PRUNE2: variants seen among roughly 807,000 people sequenced by gnomAD.
The protein encoded by PRUNE2 is protein prune homolog 2.
Under a neutral mutation model 252.0 loss-of-function variants are expected in PRUNE2, and 164 were observed. That is an observed-to-expected ratio of 0.65 (90% confidence interval 0.57 to 0.74). The LOEUF is 0.74. Among genes scored for constraint, PRUNE2 ranks in the 30% least tolerant of loss-of-function variants. The pLI, the probability that PRUNE2 is intolerant of heterozygous loss-of-function variation, is 0.00. For synonymous variants in PRUNE2, 1,292 were observed against 1,350.2 expected (o/e 0.96, Z 0.94); for missense variants, 3,495 against 3,711.0 (o/e 0.94, Z 1.51).
At chr9:76,644,985 C>A in intron 11 of PRUNE2, 76 bp from the exon 12 acceptor site, 1 of 1,324,278 alleles carries the variant, frequency 7.6e-7, no homozygotes, top group East Asian at 2.4e-5. Context: ...AAATGGTAAG[C>A]TTTACAATAC....
intron 1 of PRUNE2, among the ~76,000 whole-genome samples, chr9:76,866,694 G>A (rs190860910): frequency 1.3e-5 from 2 of 151,494 alleles, no homozygotes; most frequent in Admixed American, 1.3e-4. Context: ...AGGAAGGAAG[G>A]AAGAAAGAAA....
At chr9:76,833,176 A>T (rs1235719495) in intron 4 of PRUNE2, among the ~76,000 whole-genome samples, 1 of 152,216 alleles carries the variant, frequency 6.6e-6, no homozygotes, top group Non-Finnish European at 1.5e-5. Context: ...CTTAATACCA[A>T]TTAAACTAAT....
Position 76,704,819 on chromosome 9 carries a change from C to A in PRUNE2, c.7455G>T (p.Trp2485Cys), listed in dbSNP as rs558933183. The A allele has an allele frequency of 6.3e-7, 1 of 1,588,282 alleles. No homozygotes were observed. The highest frequency in any genetic ancestry group is 8.6e-7 in the Non-Finnish European group (1 of 1,165,598). Residue 2485 changes from tryptophan (W) to cysteine (C), a missense_variant, in exon 8 of 19, where the codon TGG (tryptophan) becomes TGT (cysteine). Trp to Cys is a radical substitution (Grantham distance 215, BLOSUM62 -2). Coordinates refer to ENST00000376718, the MANE Select transcript of PRUNE2 (RefSeq NM_015225.3). Reference protein sequence around the residue: ...SNILSPSNVDWEVETDNSDLP... With the variant: ...SNILSPSNVDCEVETDNSDLP... ...AATCAGAATTATCTGTTTCTACTTCCCAGTCAACGTTTGATGGAGACAAAA... is the reference window on the plus strand; with the variant it reads ...AATCAGAATTATCTGTTTCTACTTCACAGTCAACGTTTGATGGAGACAAAA...
chr9:76,807,504 C>G (rs545774354), intron 6 of PRUNE2, among the ~76,000 whole-genome samples: 1 of 152,274 alleles, frequency 6.6e-6, no homozygotes, highest in Admixed American at 6.5e-5. Context: ...GGTAATTATA[C>G]AAATTATACA....
In PRUNE2 at chr9:76,709,555, T is replaced by G. The variant is rs2046561723; in HGVS notation, c.2719A>C (p.Lys907Gln). 1.9e-6 allele frequency: 3 copies of G among 1,613,900 alleles called. No homozygotes were observed. The highest frequency in any genetic ancestry group is 1.6e-4 in the Middle Eastern group (1 of 6,084). ...KEDQNGLVDP[K>Q]TRGKVYEKVD... ...TTTTCATATACCTTGCCCCTAGTTTTAGGATCCACTAAACCATTCTGATCT... is the reference window on the plus strand; with the variant it reads ...TTTTCATATACCTTGCCCCTAGTTTGAGGATCCACTAAACCATTCTGATCT... Residue 907 changes from lysine (K) to glutamine (Q), a missense_variant, in exon 8 of 19, where the codon AAA becomes CAA. Physicochemically the swap from Lys to Gln is moderately conservative, Grantham distance 53. Coordinates refer to ENST00000376718, the MANE Select transcript of PRUNE2 (RefSeq NM_015225.3).
rs751221379 is a variant in PRUNE2, at chr9:76,720,339, T to C, written c.757-6618A>G. Reference sequence around the variant, plus strand: ...GCCAAATTGCTATTCTGAAACCTTATTGTGTCTCTCCATTATTTTAGGGAG... The same window carrying C: ...GCCAAATTGCTATTCTGAAACCTTACTGTGTCTCTCCATTATTTTAGGGAG... On this transcript the variant is annotated intron_variant, in intron 6 of 18. Transcript: ENST00000376718. Among the ~76,000 whole-genome samples the C allele has an allele frequency of 1.7e-4, 26 of 152,250 alleles. 1 individual carries two copies. The highest frequency in any genetic ancestry group is 2.2e-4 in the Non-Finnish European group (15 of 68,046).
rs77632357 is a variant in PRUNE2 at position 76,713,076 on chromosome 9, C to CT, written c.915+486dup. The stretch of plus-strand genomic sequence containing the variant: ...CCTATTTTGATTAATTTATCTAATT[C>CT]TTTTTTTTTTTTATTTCCTAGGCCT... On this transcript the variant is annotated intron_variant, in intron 7 of 18. Coordinates refer to ENST00000376718, the MANE Select transcript of PRUNE2 (RefSeq NM_015225.3). Among the ~76,000 whole-genome samples the CT allele has an allele frequency of 6.8e-3, 988 of 146,240 alleles. 4 individuals are homozygous for CT. Among genetic ancestry groups the CT allele is most frequent in the Middle Eastern group, 0.015 (4 of 274 alleles).
chr9:76,790,972 C>T (rs1031827678), intron 6 of PRUNE2, among the ~76,000 whole-genome samples: 8 of 152,170 alleles, frequency 5.3e-5, no homozygotes, highest in African/African-American at 1.7e-4. Context: ...AAGTTTAAAA[C>T]TGATTCTTTT....
intron 17 of PRUNE2, among the ~76,000 whole-genome samples, chr9:76,622,959 T>C (rs1054936689): frequency 6.6e-5 from 10 of 152,222 alleles, no homozygotes; most frequent in Non-Finnish European, 1.0e-4. Flanking sequence ...AATAATCCTA[T>C]AGGTTATTAT....
intron 6 of PRUNE2, among the ~76,000 whole-genome samples, chr9:76,724,386 A>G (rs2047922257): frequency 1.3e-5 from 1 of 75,880 alleles, no homozygotes; most frequent in African/African-American, 6.4e-5. Context: ...GGATGGGAGG[A>G]TTGGTTGAGC....
At chr9:76,872,160 G>A (rs113805788) in intron 1 of PRUNE2, among the ~76,000 whole-genome samples, 3,286 of 152,100 alleles carry the variant, frequency 0.022, 108 homozygotes, top group Admixed American at 0.086. Context: ...CACTGAGGGT[G>A]CAGCATCTGC....
intron 1 of PRUNE2, among the ~76,000 whole-genome samples, chr9:76,891,638 C>A (rs10512058): frequency 0.11 from 16,547 of 152,280 alleles, 1,168 homozygotes; most frequent in East Asian, 0.25. Context: ...AGCCTCCTCT[C>A]AGAAAAGTGC....
intron 6 of PRUNE2, among the ~76,000 whole-genome samples, chr9:76,810,921 T>A (rs111540791): frequency 6.6e-6 from 1 of 152,166 alleles, no homozygotes; most frequent in Non-Finnish European, 1.5e-5. Context: ...CTATGACAGG[T>A]TGATACAATG....
chr9:76,841,392 T>C (rs995731841), intron 4 of PRUNE2, among the ~76,000 whole-genome samples: 2 of 152,194 alleles, frequency 1.3e-5, no homozygotes, highest in African/African-American at 4.8e-5. Context: ...TGAGTGGCCA[T>C]TTGGGCAGAC....
At chr9:76,817,770 CA>C (rs2057781776) in intron 6 of PRUNE2, 1 of 152,156 alleles carries the variant, frequency 6.6e-6, no homozygotes, top group South Asian at 2.1e-4. Flanking sequence ...TTCACCAATA[CA>C]GGGGTAATCA....
At chr9:76,615,360 C>T in intron 18 of PRUNE2, 1 of 391,600 alleles carries the variant, frequency 2.6e-6, no homozygotes, top group Non-Finnish European at 3.5e-6. Context: ...GTGGATTTTG[C>T]TTATCTCTGC....
At position 76,707,092 on chromosome 9, in the gene PRUNE2, C is replaced by G; in HGVS notation, c.5182G>C (p.Val1728Leu). The change falls in exon 8 of 19, where the codon GTC becomes CTC. Residue 1728 changes from valine (V) to leucine (L), a missense_variant. Transcript: ENST00000376718. ...TTTTCAGACTTAGGATCAGCTGTGACCAAGAACTTATTAGATTCATTCAAT... is the reference window on the plus strand; with the variant it reads ...TTTTCAGACTTAGGATCAGCTGTGAGCAAGAACTTATTAGATTCATTCAAT... ...DSLNESNKFL[V>L]TADPKSENIY... The G allele has an allele frequency of 6.2e-7, 1 of 1,613,940 alleles. No individual in the cohort carries two copies. The highest frequency in any genetic ancestry group is 8.5e-7 in the Non-Finnish European group (1 of 1,179,876).
intron 1 of PRUNE2, among the ~76,000 whole-genome samples, chr9:76,873,304 T>G (rs899529968): frequency 4.6e-5 from 7 of 152,206 alleles, no homozygotes; most frequent in African/African-American, 1.7e-4. Flanking sequence ...TTTCCACTTT[T>G]GTATATGTTT....
rs114286793 is a variant in PRUNE2 at position 76,703,879 on chromosome 9, A to G, written c.7734T>C (p.Tyr2578=). 2,314 of 1,613,852 alleles carry G rather than the reference A, an allele frequency of 1.4e-3. 27 individuals carry two copies. The African/African-American group carries it at 0.027, about 19-fold the overall frequency. Reference sequence around the variant, plus strand: ...GCAGCCCTGTTTCTTTGGAACCTACATACAATTCTAATTCAGCTATGCTTT... The same window carrying G: ...GCAGCCCTGTTTCTTTGGAACCTACGTACAATTCTAATTCAGCTATGCTTT... The part of the protein sequence containing the change: ...ERESIAELEL[Y]VGSKETGLQG... The change falls in exon 9 of 19, where the codon TAT becomes TAC. Residue 2578 remains tyrosine (Y), a synonymous_variant. Transcript: ENST00000376718.
Sources: allele counts gnomAD v4.1 joint callset (sites outside exome capture counted in the v4.1 genomes callset), GRCh38; gene constraint gnomAD v4.1.1; transcripts MANE v1.5; gene names NCBI Gene and HGNC (gene_info 2026-07-23, HGNC 2026-07-21).